Variants in SGCD observed in about 807,000 individuals in gnomAD.
The protein encoded by SGCD is sarcoglycan delta.
In SGCD, 18 loss-of-function variants were observed where a neutral mutation model predicts 36.6. That is an observed-to-expected ratio of 0.49 (90% CI 0.34 to 0.73). SGCD has a LOEUF of 0.73. Among genes scored for constraint, SGCD ranks in the 30% least tolerant of loss-of-function variants. The pLI, the probability that SGCD is intolerant of heterozygous loss-of-function variation, is 0.01. For synonymous variants in SGCD, 133 were observed against 130.6 expected (o/e 1.02, Z -0.12); for missense variants, 387 against 346.7 (o/e 1.12, Z -0.92).
At chr5:156,242,741 A>G (rs978833815) in intron 3 of SGCD, among the ~76,000 whole-genome samples, 2 of 152,192 alleles carry the variant, frequency 1.3e-5, no homozygotes, top group Non-Finnish European at 2.9e-5. Context: ...TGCCCCATGC[A>G]GGGTGCCAGA....
chr5:156,133,853 A>G (rs1762386095), intron 3 of SGCD, among the ~76,000 whole-genome samples: 1 of 151,612 alleles, frequency 6.6e-6, no homozygotes, highest in African/African-American at 2.4e-5. Flanking sequence ...AACTTAACAA[A>G]ATCTCAGTTG....
intron 2 of SGCD, among the ~76,000 whole-genome samples, chr5:156,331,059 C>A (rs116196509): frequency 1.1e-4 from 16 of 152,276 alleles, no homozygotes; most frequent in African/African-American, 3.9e-4. Context: ...TTAAGATGAA[C>A]TGAGATAGCA....
At chr5:155,976,904 C>A (rs1394803108) in intron 1 of SGCD, among the ~76,000 whole-genome samples, 1 of 152,046 alleles carries the variant, frequency 6.6e-6, no homozygotes, top group Non-Finnish European at 1.5e-5. Flanking sequence ...TCACTGTTGC[C>A]GGTTTTGTCC....
chr5:155,887,126 G>C (rs1756023373), intron 1 of SGCD, among the ~76,000 whole-genome samples: 1 of 152,180 alleles, frequency 6.6e-6, no homozygotes, highest in African/African-American at 2.4e-5. Context: ...AATATCAGTA[G>C]AATGGAGTAA....
chr5:156,209,504 G>A (rs1027189148), intron 3 of SGCD, among the ~76,000 whole-genome samples: 2 of 152,210 alleles, frequency 1.3e-5, no homozygotes, highest in Non-Finnish European at 2.9e-5. Context: ...CAGGCACAAG[G>A]CCTGCCCAGC....
chr5:156,431,749 C>T (rs1030781548), intron 3 of SGCD, among the ~76,000 whole-genome samples: 2 of 151,894 alleles, frequency 1.3e-5, no homozygotes, highest in Admixed American at 1.3e-4. Context: ...GAGTTTTGCT[C>T]TTGTCACCCA....
At chr5:156,009,192 A>T (rs1191058467) in intron 1 of SGCD, among the ~76,000 whole-genome samples, 1 of 152,158 alleles carries the variant, frequency 6.6e-6, no homozygotes, top group African/African-American at 2.4e-5. Flanking sequence ...TCCCTTAACA[A>T]CATCACTTTA....
chr5:155,860,096 G>A, the SGCD span, among the ~76,000 whole-genome samples: 1 of 152,246 alleles, frequency 6.6e-6, no homozygotes, highest in African/African-American at 2.4e-5. Context: ...CAATTTACTT[G>A]AATTGCTGAA....
chr5:155,740,489 C>T, the SGCD span, among the ~76,000 whole-genome samples: 1 of 152,080 alleles, frequency 6.6e-6, no homozygotes, highest in Non-Finnish European at 1.5e-5. Flanking sequence ...AAACTGAAAT[C>T]CTTTTTATAC....
intron 7 of SGCD, among the ~76,000 whole-genome samples, chr5:156,726,782 G>A: frequency 6.6e-6 from 1 of 152,164 alleles, no homozygotes; most frequent in East Asian, 1.9e-4. Flanking sequence ...GGTCAGGTTT[G>A]TCTTCCACAG....
chr5:156,617,512 G>A (rs1310014344), intron 6 of SGCD, among the ~76,000 whole-genome samples: 1 of 152,180 alleles, frequency 6.6e-6, no homozygotes, highest in African/African-American at 2.4e-5. Context: ...GCAGATTTGG[G>A]ATTGGAGATT....
At chr5:156,117,035 A>G (rs1432955365) in intron 1 of SGCD, among the ~76,000 whole-genome samples, 1 of 152,034 alleles carries the variant, frequency 6.6e-6, no homozygotes, top group African/African-American at 2.4e-5. Flanking sequence ...AGAGTTAACA[A>G]GGAAATTGTG....
At chr5:156,607,441 G>T (rs1429088331) in intron 6 of SGCD, among the ~76,000 whole-genome samples, 1 of 152,164 alleles carries the variant, frequency 6.6e-6, no homozygotes, top group East Asian at 1.9e-4. Context: ...TGCTGGAATT[G>T]CTTTGCCAGT....
chr5:156,295,166 A>G (rs1174403818), intron 3 of SGCD, among the ~76,000 whole-genome samples: 5 of 152,140 alleles, frequency 3.3e-5, no homozygotes, highest in African/African-American at 1.2e-4. Flanking sequence ...TTATATGTCT[A>G]TTCAGATTTT....
chr5:155,819,288 C>T, the SGCD span, among the ~76,000 whole-genome samples: 3 of 152,198 alleles, frequency 2.0e-5, no homozygotes, highest in Non-Finnish European at 2.9e-5. Context: ...TGTATTTTAG[C>T]TTTTAAATCA....
At chr5:156,743,897 G>C (rs1471128766) in intron 7 of SGCD, among the ~76,000 whole-genome samples, 1 of 152,208 alleles carries the variant, frequency 6.6e-6, no homozygotes, top group Non-Finnish European at 1.5e-5. Context: ...TATATAATTA[G>C]AGAAGATTAT....
chr5:155,822,264 A>G, the SGCD span, among the ~76,000 whole-genome samples: 1 of 152,184 alleles, frequency 6.6e-6, no homozygotes, highest in Admixed American at 6.5e-5. Flanking sequence ...CGTGAGTTTT[A>G]AAAAGGTGGC....
chr5:155,932,593 C>A (rs10475581), intron 1 of SGCD, among the ~76,000 whole-genome samples: 49,195 of 152,044 alleles, frequency 0.32, 8,520 homozygotes, highest in Admixed American at 0.48. Context: ...TGTTGTAACA[C>A]AATTCAGTCC....
chr5:156,706,121 T>C (rs1288288265), intron 7 of SGCD, among the ~76,000 whole-genome samples: 5 of 152,190 alleles, frequency 3.3e-5, no homozygotes, highest in African/African-American at 4.8e-5. Context: ...TTTCAAATTA[T>C]GTGTATCAAT....
Sources: allele counts gnomAD v4.1 joint callset (sites outside exome capture counted in the v4.1 genomes callset), GRCh38; gene constraint gnomAD v4.1.1; transcripts MANE v1.5; gene names NCBI Gene and HGNC (gene_info 2026-07-23, HGNC 2026-07-21).